Variants in PLBD1 observed in about 807,000 individuals in gnomAD.
PLBD1 encodes lysosomal leucine aminopeptidase.
In PLBD1, 60 loss-of-function variants were observed where a neutral mutation model predicts 63.0. That is an observed-to-expected ratio of 0.95 (90% CI 0.77 to 1.18). The LOEUF (loss-of-function observed/expected upper bound fraction) is 1.18, where lower values mean the gene tolerates loss of function less well. Ranked by LOEUF, PLBD1 falls within the 50% of genes most tolerant of loss-of-function variation. The pLI, the probability that PLBD1 is intolerant of heterozygous loss-of-function variation, is 0.00. For missense variants in PLBD1, 598 were observed against 677.9 expected, an observed-to-expected ratio of 0.88 and a Z score of 1.31; for synonymous variants, 262 against 248.0, an observed-to-expected ratio of 1.06 and a Z score of -0.53.
chr12:14,516,434 T>C (rs543929758), intron 6 of PLBD1, among the ~76,000 whole-genome samples: 1 of 152,322 alleles, frequency 6.6e-6, no homozygotes, highest in East Asian at 1.9e-4. Flanking sequence ...GGATGGACTA[T>C]GGATTCAGTA....
intron 6 of PLBD1, 111 bp from the exon 7 acceptor site, chr12:14,511,822 A>G: frequency 1.2e-5 from 13 of 1,049,822 alleles, no homozygotes; most frequent in Non-Finnish European, 1.8e-5. Context: ...TGTATCAGTT[A>G]TTACTATCCT....
chr12:14,561,566 T>C (rs776395956), intron 1 of PLBD1, among the ~76,000 whole-genome samples: 21 of 152,114 alleles, frequency 1.4e-4, no homozygotes, highest in Non-Finnish European at 2.6e-4. Context: ...AACTTTCTTT[T>C]GTTTTGAGAC....
chr12:14,546,883 C>CT (rs1945620671), intron 2 of PLBD1, among the ~76,000 whole-genome samples: 1 of 151,566 alleles, frequency 6.6e-6, no homozygotes, highest in Non-Finnish European at 1.5e-5. Flanking sequence ...TCTTTTTTTT[C>CT]TTTTTTCTTT....
At chr12:14,519,755 G>A (rs1565572633) in intron 6 of PLBD1, among the ~76,000 whole-genome samples, 2 of 152,116 alleles carry the variant, frequency 1.3e-5, no homozygotes, top group Admixed American at 6.6e-5. Flanking sequence ...CTTGATCTTG[G>A]ACTCTCAGCT....
chr12:14,511,986 T>C (rs1945301820), intron 6 of PLBD1, among the ~76,000 whole-genome samples: 1 of 152,182 alleles, frequency 6.6e-6, no homozygotes, highest in East Asian at 1.9e-4. Context: ...ATCCAGAACA[T>C]TGCAAGCTTC....
In PLBD1 at chr12:14,525,602, C is replaced by T. The variant is rs142244667; in HGVS notation, c.844+10057G>A. On this transcript the variant is annotated intron_variant, in intron 6 of 10. Transcript: ENST00000240617. ...CACAAAGAAGACCAGAGCTAGCCCA[C>T]GACAAAGCTGAAGTCACCAAAAATC... Among the ~76,000 whole-genome samples the T allele has an allele frequency of 1.6e-3, 240 of 151,920 alleles. 3 individuals carry two copies. The South Asian group carries it at 0.02, about 13-fold the overall frequency.
chr12:14,556,271 T>C (rs1175879335), intron 1 of PLBD1, among the ~76,000 whole-genome samples: 2 of 152,210 alleles, frequency 1.3e-5, no homozygotes, highest in Non-Finnish European at 2.9e-5. Flanking sequence ...AGTTTAGTTT[T>C]AGACATATTG....
chr12:14,565,982 C>A (rs926529095), intron 1 of PLBD1, among the ~76,000 whole-genome samples: 1 of 152,142 alleles, frequency 6.6e-6, no homozygotes, highest in African/African-American at 2.4e-5. Context: ...CAAGGTGGTA[C>A]CTTCTTGAAT....
intron 1 of PLBD1, among the ~76,000 whole-genome samples, chr12:14,566,831 C>T (rs1592013794): frequency 6.7e-6 from 1 of 149,924 alleles, no homozygotes; most frequent in African/African-American, 2.5e-5. Flanking sequence ...CGCGGTGGCT[C>T]ATGCCTGTAA....
At chr12:14,554,647 T>C (rs1366976431) in intron 1 of PLBD1, among the ~76,000 whole-genome samples, 1 of 152,024 alleles carries the variant, frequency 6.6e-6, no homozygotes, top group African/African-American at 2.4e-5. Context: ...GGCTGCAGTC[T>C]GCTCTCCACC....
intron 1 of PLBD1, among the ~76,000 whole-genome samples, chr12:14,562,614 C>T (rs1322873015): frequency 2.0e-5 from 3 of 152,082 alleles, no homozygotes; most frequent in Non-Finnish European, 4.4e-5. Context: ...TAAAAAGAAG[C>T]TCCGTAATAA....
At chr12:14,556,814 G>A (rs540785746) in intron 1 of PLBD1, among the ~76,000 whole-genome samples, 5 of 151,434 alleles carry the variant, frequency 3.3e-5, no homozygotes, top group South Asian at 4.2e-4. Context: ...GAGCAACTCC[G>A]TCTCTACTAA....
Position 14,536,578 on chromosome 12 carries a change from G to A in PLBD1, c.691C>T (p.Leu231Phe), listed in dbSNP as rs765095156. The change falls in exon 5 of 11, where the codon CTT becomes TTT. Residue 231 changes from leucine (L) to phenylalanine (F), a missense_variant. Transcript: ENST00000240617. The part of the protein sequence containing the change: ...KRWDMGHCSA[L>F]IKVLPGFENI... ...GAGCTGCTATGTCTTACCTTGATAA[G>A]AGCGGAGCAATGTCCCATGTCCCAT... 1.9e-5 allele frequency: 30 copies of A among 1,614,160 alleles called. No individual in the cohort carries two copies. Among genetic ancestry groups the A allele is most frequent in the Non-Finnish European group, 2.5e-5 (29 of 1,180,006 alleles).
At chr12:14,554,803 C>T (rs1945688768) in intron 1 of PLBD1, among the ~76,000 whole-genome samples, 1 of 152,100 alleles carries the variant, frequency 6.6e-6, no homozygotes. Flanking sequence ...TACACCCTCC[C>T]CAGTCTCCTC....
At chr12:14,558,049 C>CAA (rs35613344) in intron 1 of PLBD1, among the ~76,000 whole-genome samples, 1 of 93,588 alleles carries the variant, frequency 1.1e-5, no homozygotes, top group African/African-American at 3.9e-5. Flanking sequence ...ACTACGTAGC[C>CAA]AAAAAAAAAA....
chr12:14,525,772 A>C (rs146314504), intron 6 of PLBD1, among the ~76,000 whole-genome samples: 1 of 152,170 alleles, frequency 6.6e-6, no homozygotes, highest in Non-Finnish European at 1.5e-5. Context: ...GTAAAAAATC[A>C]TAACACCATA....
intron 4 of PLBD1, among the ~76,000 whole-genome samples, chr12:14,538,775 C>T (rs572603944): frequency 6.2e-4 from 94 of 152,210 alleles, no homozygotes; most frequent in African/African-American, 1.6e-3. Flanking sequence ...CCTGTAATCC[C>T]GGCATTTTGG....
intron 1 of PLBD1, among the ~76,000 whole-genome samples, chr12:14,566,022 G>A (rs917556926): frequency 1.3e-5 from 2 of 152,074 alleles, no homozygotes; most frequent in African/African-American, 2.4e-5. Flanking sequence ...GAAAAACAAC[G>A]CCTGTCTCAC....
At chr12:14,561,632 G>A (rs1276689002) in intron 1 of PLBD1, among the ~76,000 whole-genome samples, 3 of 152,104 alleles carry the variant, frequency 2.0e-5, no homozygotes, top group Non-Finnish European at 2.9e-5. Flanking sequence ...TCGGCTCACC[G>A]CAACCTCCGC....
Sources: allele counts gnomAD v4.1 joint callset (sites outside exome capture counted in the v4.1 genomes callset), GRCh38; gene constraint gnomAD v4.1.1; transcripts MANE v1.5; gene names NCBI Gene and HGNC (gene_info 2026-07-23, HGNC 2026-07-21).